The following CGRRF1 variants were observed in gnomAD, a reference collection of about 807,000 sequenced individuals.
The protein encoded by CGRRF1 is cell growth regulator with ring finger domain 1.
A neutral mutation model predicts 37.2 loss-of-function variants in CGRRF1; 32 were observed. That is an observed-to-expected ratio of 0.86 (90% CI 0.65 to 1.16). CGRRF1 has a LOEUF of 1.16. CGRRF1 is among the 50% of genes most tolerant of loss of function. CGRRF1 has a pLI of 0.00. For synonymous variants in CGRRF1, 141 were observed against 140.3 expected (o/e 1.00, Z -0.04); for missense variants, 391 against 382.6 (o/e 1.02, Z -0.18).
At chr14:54,510,121 C>T in intron 1 of CGRRF1, 58 bp downstream of exon 1, 3 of 1,341,496 alleles carry the variant, frequency 2.2e-6, no homozygotes, top group South Asian at 2.4e-5. Context: ...GGGGTCGCGA[C>T]GAGCAGCAGG....
chr14:54,510,301 G>A, intron 1 of CGRRF1: 4 of 543,198 alleles, frequency 7.4e-6, no homozygotes, highest in Non-Finnish European at 1.3e-5. Flanking sequence ...GGGTGGTACC[G>A]CATTGGGGTG....
At position 54,530,126 on chromosome 14, in the gene CGRRF1, T is replaced by C. The variant is rs753653638; in HGVS notation, c.322T>C (p.Tyr108His). 1.9e-5 allele frequency: 30 copies of C among 1,613,498 alleles called. No individual in the cohort carries two copies. Among genetic ancestry groups the C allele is most frequent in the Non-Finnish European group, 2.3e-5 (27 of 1,179,596 alleles). Residue 108 changes from tyrosine to histidine, a missense_variant, in exon 3 of 6, where the codon TAT becomes CAT. Physicochemically the swap from Tyr to His is moderately conservative, Grantham distance 83. Coordinates refer to ENST00000216420, the MANE Select transcript of CGRRF1 (RefSeq NM_006568.3). ...CYWGCSVQKL[Y>H]EALQKHVYCF... ...CTGGGGGTGCAGTGTTCAAAAATTA[T>C]ATGAAGCTCTGCAGAAGCATGTTTA...
intron 1 of CGRRF1, among the ~76,000 whole-genome samples, chr14:54,518,568 A>G (rs562243357): frequency 6.6e-6 from 1 of 152,032 alleles, no homozygotes; most frequent in East Asian, 1.9e-4. Flanking sequence ...AAAAAGAAAA[A>G]AAAAAGTGTT....
intron 1 of CGRRF1, among the ~76,000 whole-genome samples, chr14:54,515,313 C>T (rs887155577): frequency 1.3e-5 from 2 of 151,804 alleles, no homozygotes; most frequent in East Asian, 1.9e-4. Flanking sequence ...AGGATGGTCT[C>T]GATCGCTTGA....
intron 1 of CGRRF1, among the ~76,000 whole-genome samples, chr14:54,510,703 G>A (rs578132428): frequency 4.7e-4 from 71 of 152,300 alleles, no homozygotes; most frequent in African/African-American, 1.5e-3. Context: ...TTGCCTATTG[G>A]AGACAAGGAG....
chr14:54,524,565 AT>A (rs2032380982), intron 2 of CGRRF1, among the ~76,000 whole-genome samples: 1 of 151,696 alleles, frequency 6.6e-6, no homozygotes, highest in African/African-American at 2.4e-5. Context: ...AAAAAAAAAA[AT>A]GTTTTTTGTG....
At chr14:54,522,816 G>GT (rs1336972187) in intron 2 of CGRRF1, among the ~76,000 whole-genome samples, 1 of 152,216 alleles carries the variant, frequency 6.6e-6, no homozygotes, top group Non-Finnish European at 1.5e-5. Context: ...AGGTAGATGT[G>GT]TATACAAAGG....
Position 54,511,181 on chromosome 14 carries a change from C to T in CGRRF1, c.104+1118C>T, listed in dbSNP as rs183306787. On this transcript the variant is annotated intron_variant, in intron 1 of 5. Coordinates refer to ENST00000216420, the MANE Select transcript of CGRRF1 (RefSeq NM_006568.3). ...TGCCTTAAAGAACACGGGCCCTTGT[C>T]GGTTTCTGAAAATATATGCCATCTT... Among the ~76,000 whole-genome samples the T allele has an allele frequency of 2.2e-3, 340 of 152,268 alleles. 1 individual carries two copies. Among genetic ancestry groups the T allele is most frequent in the Admixed American group, 8.8e-3 (134 of 15,288 alleles).
At chr14:54,511,203 T>C (rs894185038) in intron 1 of CGRRF1, among the ~76,000 whole-genome samples, 1 of 152,208 alleles carries the variant, frequency 6.6e-6, no homozygotes, top group Admixed American at 6.5e-5. Context: ...ATATATGCCA[T>C]CTTTAGGAAG....
At chr14:54,521,229 G>A (rs1235394356) in intron 1 of CGRRF1, among the ~76,000 whole-genome samples, 1 of 152,100 alleles carries the variant, frequency 6.6e-6, no homozygotes, top group Non-Finnish European at 1.5e-5. Flanking sequence ...GGGAGGCTGA[G>A]GTGGGCGGAT....
At chr14:54,527,049 G>A (rs2032422476) in intron 2 of CGRRF1, among the ~76,000 whole-genome samples, 1 of 152,082 alleles carries the variant, frequency 6.6e-6, no homozygotes, top group African/African-American at 2.4e-5. Context: ...TAGATAGTCT[G>A]GGTAAGGACA....
At chr14:54,522,644 T>C (rs1314107175) in intron 2 of CGRRF1, 51 bp downstream of exon 2, 1 of 1,502,012 alleles carries the variant, frequency 6.7e-7, no homozygotes, top group African/African-American at 1.4e-5. Flanking sequence ...CCTCTTTTTT[T>C]AGCCCTTTTA....
rs944064360 is a variant in CGRRF1, at chr14:54,530,550, C to G, written c.422+324C>G. On this transcript the variant is annotated intron_variant, in intron 3 of 5. Coordinates refer to ENST00000216420, the MANE Select transcript of CGRRF1 (RefSeq NM_006568.3). ...CACTCCCCAAGCATTAGAAGATGCT[C>G]TGTGGAGTGAATATCTCTATCAGGA... is the stretch of plus-strand genomic sequence containing the variant. The G allele has an allele frequency of 6.3e-6, 8 of 1,271,574 alleles. No individual in the cohort carries two copies. In the African/African-American group the frequency reaches 1.1e-4, roughly 18 times the overall value. The allele number at this position is 1,271,574 out of a possible 1,614,324, so 78.8% of individuals were successfully genotyped here.
intron 2 of CGRRF1, among the ~76,000 whole-genome samples, chr14:54,524,939 C>T (rs944486170): frequency 1.3e-5 from 2 of 152,090 alleles, no homozygotes; most frequent in Non-Finnish European, 2.9e-5. Flanking sequence ...ACCAGCTACT[C>T]GGGAGGATGA....
intron 1 of CGRRF1, among the ~76,000 whole-genome samples, chr14:54,511,085 G>A (rs949357040): frequency 6.6e-6 from 1 of 152,228 alleles, no homozygotes; most frequent in African/African-American, 2.4e-5. Flanking sequence ...TAGGGGCAGA[G>A]AACATGTTAG....
chr14:54,531,276 G>T (rs2140064917), intron 4 of CGRRF1, among the ~76,000 whole-genome samples: 1 of 152,114 alleles, frequency 6.6e-6, no homozygotes, highest in South Asian at 2.1e-4. Flanking sequence ...GAAAATAAAA[G>T]ATATATAATG....
At chr14:54,526,967 A>G (rs543304696) in intron 2 of CGRRF1, among the ~76,000 whole-genome samples, 1 of 151,918 alleles carries the variant, frequency 6.6e-6, no homozygotes, top group Admixed American at 6.6e-5. Context: ...GGCTTAGCAT[A>G]TTTTCTACAG....
chr14:54,514,297 G>T (rs2032181116), intron 1 of CGRRF1, among the ~76,000 whole-genome samples: 1 of 152,184 alleles, frequency 6.6e-6, no homozygotes, highest in Non-Finnish European at 1.5e-5. Flanking sequence ...CCGGAGAATA[G>T]AATGTAACAC....
rs1225591124 is a variant in CGRRF1, at chr14:54,523,542, C to CT, written c.244+961dup. On this transcript the variant is annotated intron_variant, in intron 2 of 5. Transcript: ENST00000216420. The stretch of plus-strand genomic sequence containing the variant: ...CTTTTTTTTTCTTTATTCCTTCCTC[C>CT]TTTTTTTTTTTTGAGTAGAATCTTG... 6.6e-3 allele frequency among the ~76,000 whole-genome samples: 900 copies of CT among 136,330 alleles called. 7 individuals are homozygous for CT. The highest frequency in any genetic ancestry group is 0.019 in the Middle Eastern group (5 of 264). 89.4% of individuals were successfully genotyped at this position (136,330 alleles called of 152,430 possible).
Sources: allele counts gnomAD v4.1 joint callset (sites outside exome capture counted in the v4.1 genomes callset), GRCh38; gene constraint gnomAD v4.1.1; transcripts MANE v1.5; gene names NCBI Gene and HGNC (gene_info 2026-07-23, HGNC 2026-07-21).